GNAQ: variants seen among roughly 807,000 people sequenced by gnomAD.
GNAQ encodes the protein G protein subunit alpha q.
Under a neutral mutation model 43.9 loss-of-function variants are expected in GNAQ, and 8 were observed. The observed-to-expected ratio is 0.18, with a 90% CI of 0.11 to 0.33. GNAQ has a LOEUF of 0.33. Ranked by LOEUF, GNAQ falls within the 10% of genes least tolerant of loss-of-function variation. GNAQ has a pLI of 1.00. For synonymous variants in GNAQ, 155 were observed against 170.7 expected (o/e 0.91, Z 0.71); for missense variants, 158 against 450.8 (o/e 0.35, Z 5.88).
intron 2 of GNAQ, among the ~76,000 whole-genome samples, chr9:77,897,419 G>GA (rs1828521885): frequency 6.6e-6 from 1 of 152,076 alleles, no homozygotes; most frequent in Non-Finnish European, 1.5e-5. Context: ...ACTGTCTACA[G>GA]AAAAAAAAGT....
chr9:77,981,910 T>C (rs1413503657), intron 1 of GNAQ, among the ~76,000 whole-genome samples: 1 of 152,120 alleles, frequency 6.6e-6, no homozygotes, highest in Non-Finnish European at 1.5e-5. Flanking sequence ...TCCATAAGAG[T>C]GATTACAAAC....
At chr9:77,998,081 C>T (rs532545669) in intron 1 of GNAQ, among the ~76,000 whole-genome samples, 2 of 152,138 alleles carry the variant, frequency 1.3e-5, no homozygotes, top group Non-Finnish European at 2.9e-5. Flanking sequence ...CGCGCATGTA[C>T]ACACACGCTG....
intron 1 of GNAQ, among the ~76,000 whole-genome samples, chr9:77,932,426 C>T (rs565103662): frequency 6.6e-6 from 1 of 152,110 alleles, no homozygotes; most frequent in Non-Finnish European, 1.5e-5. Flanking sequence ...GAGTGCTATG[C>T]GCTAAAGAAT....
At chr9:77,842,197 C>T (rs538253215) in intron 2 of GNAQ, among the ~76,000 whole-genome samples, 2 of 152,328 alleles carry the variant, frequency 1.3e-5, no homozygotes, top group East Asian at 3.9e-4. Flanking sequence ...TCTAGCTTTC[C>T]TCTAACCCTA....
chr9:78,019,000 C>T (rs1470179074), intron 1 of GNAQ, among the ~76,000 whole-genome samples: 1 of 152,056 alleles, frequency 6.6e-6, no homozygotes, highest in Non-Finnish European at 1.5e-5. Context: ...ACAAGCATGG[C>T]CTAGAGTAGA....
intron 2 of GNAQ, among the ~76,000 whole-genome samples, chr9:77,819,792 A>AC (rs900988863): frequency 2.0e-5 from 3 of 151,634 alleles, no homozygotes; most frequent in African/African-American, 4.8e-5. Context: ...AAAAAAAAAA[A>AC]AAACCCTCAG....
chr9:78,005,680 G>GTGCA (rs1457301948), intron 1 of GNAQ, among the ~76,000 whole-genome samples: 1 of 152,136 alleles, frequency 6.6e-6, no homozygotes, highest in East Asian at 1.9e-4. Context: ...TGGTGCAGTA[G>GTGCA]TGCATGGGTC....
At chr9:77,936,088 G>C (rs1200884515) in intron 1 of GNAQ, among the ~76,000 whole-genome samples, 1 of 152,134 alleles carries the variant, frequency 6.6e-6, no homozygotes, top group Non-Finnish European at 1.5e-5. Flanking sequence ...AAGTACATCG[G>C]TGCATTTTAT....
At chr9:77,779,680 CAAA>C (rs58014303) in intron 5 of GNAQ, among the ~76,000 whole-genome samples, 3,392 of 96,054 alleles carry the variant, frequency 0.035, 31 homozygotes, top group African/African-American at 0.061. Context: ...AAAAACAAAA[CAAA>C]AAAAAAAAAA....
In GNAQ at chr9:77,717,148, TAG is replaced by T. The variant is rs999380795; in HGVS notation, c.*4173_*4174del. Reference sequence around the variant, plus strand: ...TAACGCTACATATGCTGGAAATATGTAGAGATAGATAAACATACAATATTACT... The same window carrying T: ...TAACGCTACATATGCTGGAAATATGTAGATAGATAAACATACAATATTACT... On this transcript the variant is annotated 3_prime_UTR_variant, in exon 7 of 7. Coordinates refer to ENST00000286548, the MANE Select transcript of GNAQ (RefSeq NM_002072.5). 10 of 232,212 alleles carry T rather than the reference TAG, an allele frequency of 4.3e-5. No individual in the cohort carries two copies. In the Admixed American group the frequency reaches 4.5e-4, roughly 10 times the overall value. The allele number at this position is 232,212 out of a possible 1,614,324, so 14.4% of individuals were successfully genotyped here.
At chr9:77,958,500 T>C (rs2118407822) in intron 1 of GNAQ, among the ~76,000 whole-genome samples, 1 of 152,292 alleles carries the variant, frequency 6.6e-6, no homozygotes, top group Non-Finnish European at 1.5e-5. Flanking sequence ...AATGGGAAAA[T>C]TTAGGACTTC....
chr9:78,026,756 T>C lies in GNAQ; in HGVS notation c.136+4344A>G, dbSNP rs376450182. Among the ~76,000 whole-genome samples, 9 of 152,236 alleles carry C rather than the reference T, an allele frequency of 5.9e-5. No homozygotes were observed. The East Asian group carries it at 9.6e-4, about 16-fold the overall frequency. ...AACTTCCCATACAGCTTAAATTGGC[T>C]ACAGCACTTCCAGCCTTCCAAGCCC... On this transcript the variant is annotated intron_variant, in intron 1 of 6. Transcript: ENST00000286548.
At chr9:77,721,689 C>T (rs777013529) in intron 6 of GNAQ, among the ~76,000 whole-genome samples, 176 bp from the exon 7 acceptor site, 1 of 152,106 alleles carries the variant, frequency 6.6e-6, no homozygotes, top group Non-Finnish European at 1.5e-5. Context: ...ATCCACCCAC[C>T]CAGGCACCCA....
intron 1 of GNAQ, among the ~76,000 whole-genome samples, chr9:77,974,667 A>G (rs540356773): frequency 1.3e-5 from 2 of 152,234 alleles, no homozygotes; most frequent in South Asian, 4.2e-4. Context: ...GCCTAGTGCT[A>G]TAGCTGCTCA....
chr9:77,950,418 C>T (rs1199481813), intron 1 of GNAQ, among the ~76,000 whole-genome samples: 1 of 152,220 alleles, frequency 6.6e-6, no homozygotes, highest in Non-Finnish European at 1.5e-5. Flanking sequence ...CTTGAACACA[C>T]ACACCAGCAG....
At chr9:77,997,980 G>A (rs1235300509) in intron 1 of GNAQ, among the ~76,000 whole-genome samples, 1 of 152,158 alleles carries the variant, frequency 6.6e-6, no homozygotes, top group Non-Finnish European at 1.5e-5. Context: ...TTAACTGAAG[G>A]CACTGACAAC....
chr9:77,943,796 G>A (rs1829348922), intron 1 of GNAQ, among the ~76,000 whole-genome samples: 1 of 151,498 alleles, frequency 6.6e-6, no homozygotes, highest in Non-Finnish European at 1.5e-5. Context: ...CCCAAGAGTA[G>A]CTGGGATTTA....
chr9:77,755,413 A>ACTTACC (rs1269810621), intron 5 of GNAQ, among the ~76,000 whole-genome samples: 4 of 152,198 alleles, frequency 2.6e-5, no homozygotes, highest in Non-Finnish European at 5.9e-5. Flanking sequence ...TGGATATCCC[A>ACTTACC]CTTACCCTGA....
At chr9:77,763,621 G>A (rs2118348152) in intron 5 of GNAQ, among the ~76,000 whole-genome samples, 1 of 152,304 alleles carries the variant, frequency 6.6e-6, no homozygotes, top group Admixed American at 6.5e-5. Flanking sequence ...TATTGCGATG[G>A]ATCAAGTGTG....
Sources: gnomAD v4.1 joint callset for allele counts (sites outside exome capture counted in the v4.1 genomes callset) on GRCh38, gnomAD v4.1.1 for gene constraint, MANE v1.5 for transcripts, NCBI Gene and HGNC (gene_info 2026-07-23, HGNC 2026-07-21) for gene names.